NCAPH: variants seen among roughly 807,000 people sequenced by gnomAD.
The protein encoded by NCAPH is condensin complex subunit 2.
In NCAPH, 38 loss-of-function variants were observed where a neutral mutation model predicts 85.5. The ratio of observed to expected loss-of-function variants is 0.44; its 90% CI spans 0.34 to 0.58. The LOEUF (loss-of-function observed/expected upper bound fraction) is 0.58, where lower values mean the gene tolerates loss of function less well. NCAPH is among the 20% of genes least tolerant of loss of function. The pLI is 0.01. For missense variants in NCAPH, 789 were observed against 916.6 expected (o/e 0.86, Z 1.80); for synonymous variants, 301 against 335.1 (o/e 0.90, Z 1.11).
chr2:96,335,938 G>T, intron 1 of NCAPH, 90 bp downstream of exon 1: 1 of 1,342,016 alleles, frequency 7.5e-7, no homozygotes, highest in South Asian at 1.7e-5. Context: ...GCCTGGGCGG[G>T]GAGAGAGGAT....
intron 13 of NCAPH, among the ~76,000 whole-genome samples, chr2:96,365,015 A>G (rs2064675599): frequency 1.3e-5 from 2 of 152,166 alleles, no homozygotes; most frequent in African/African-American, 4.8e-5. Flanking sequence ...TTCGGGGTGT[A>G]TCTCAGATGA....
At chr2:96,358,118 T>C (rs1315024105) in intron 9 of NCAPH, among the ~76,000 whole-genome samples, 1 of 152,168 alleles carries the variant, frequency 6.6e-6, no homozygotes, top group East Asian at 1.9e-4. Flanking sequence ...CTCTATTTTT[T>C]AAAAATGTAG....
At chr2:96,371,678 C>T (rs1227056209) in intron 17 of NCAPH, among the ~76,000 whole-genome samples, 3 of 152,162 alleles carry the variant, frequency 2.0e-5, no homozygotes, top group African/African-American at 7.2e-5. Context: ...AGCACCGAGG[C>T]CATTACTGGG....
chr2:96,375,270 C>G lies in NCAPH; in HGVS notation c.*1919C>G, dbSNP rs1327040895. Among the ~76,000 whole-genome samples, 1 of 152,022 alleles carries G rather than the reference C, an allele frequency of 6.6e-6. No homozygotes were observed. The highest frequency in any genetic ancestry group is 2.4e-5 in the African/African-American group (1 of 41,374). ...TTCTACAATGAAATCCCCTTCCCCC[C>G]ACAACCCTGCTTCTCCTAAGTTTCC... On this transcript the variant is annotated 3_prime_UTR_variant, in exon 18 of 18. Coordinates refer to ENST00000240423, the MANE Select transcript of NCAPH (RefSeq NM_015341.5).
At chr2:96,341,973 C>T in intron 2 of NCAPH, 77 bp from the exon 3 acceptor site, 1 of 1,604,910 alleles carries the variant, frequency 6.2e-7, no homozygotes, top group Non-Finnish European at 8.5e-7. Flanking sequence ...CTCCACAAAA[C>T]TTCATGGGTC....
chr2:96,373,498 T>C lies in NCAPH; in HGVS notation c.*147T>C, dbSNP rs1158278996. On this transcript the variant is annotated 3_prime_UTR_variant, in exon 18 of 18. Coordinates refer to ENST00000240423, the MANE Select transcript of NCAPH (RefSeq NM_015341.5). ...GCCTGTTTGTTTGTTGCTCTTTCCT[T>C]CTCTCCATCATAGTCTGGGTGCCAG... 7 of 725,860 alleles carry C rather than the reference T, an allele frequency of 9.6e-6. No individual in the cohort carries two copies. In the East Asian group the frequency reaches 1.6e-4, roughly 16 times the overall value. The allele number at this position is 725,860 out of a possible 1,614,324, so 45.0% of individuals were successfully genotyped here.
rs1322069722 is a variant in NCAPH at position 96,374,173 on chromosome 2, A to G, written c.*822A>G. ...ATGTTGGAGGAGGAAACGGACACCCAAGGTAGAGGAACTTGCAAAAGGGCA... is the reference window on the plus strand; with the variant it reads ...ATGTTGGAGGAGGAAACGGACACCCGAGGTAGAGGAACTTGCAAAAGGGCA... On this transcript the variant is annotated 3_prime_UTR_variant, in exon 18 of 18. Coordinates refer to ENST00000240423, the MANE Select transcript of NCAPH (RefSeq NM_015341.5). 6.6e-6 allele frequency among the ~76,000 whole-genome samples: 1 copy of G among 152,214 alleles called. No individual in the cohort carries two copies. The highest frequency in any genetic ancestry group is 1.5e-5 in the Non-Finnish European group (1 of 68,028).
chr2:96,351,995 T>C lies in NCAPH; in HGVS notation c.885T>C (p.Gly295=), dbSNP rs1324255028. The change falls in exon 7 of 18, where the codon GGT becomes GGC. Residue 295 remains glycine, a synonymous_variant. Transcript: ENST00000240423. Reference sequence around the variant, plus strand: ...AACCTCTCGAGTTGCCAGAGTTAGGTTGTGTAGAAATGACAGATTTAAAAG... The same window carrying C: ...AACCTCTCGAGTTGCCAGAGTTAGGCTGTGTAGAAATGACAGATTTAAAAG... ...TGEPLELPEL[G]CVEMTDLKAP... The C allele has an allele frequency of 3.7e-6, 6 of 1,612,482 alleles. No individual in the cohort carries two copies. In the African/African-American group the frequency reaches 4.0e-5, roughly 11 times the overall value.
At chr2:96,342,916 C>T (rs1452046292) in intron 4 of NCAPH, 68 bp downstream of exon 4, 3 of 1,400,324 alleles carry the variant, frequency 2.1e-6, no homozygotes, top group East Asian at 2.3e-5. Flanking sequence ...CTTGGCATAA[C>T]ACAGTTGAAT....
Position 96,343,200 on chromosome 2 carries a change from T to C in NCAPH, c.491T>C (p.Ile164Thr). 6.2e-7 allele frequency: 1 copy of C among 1,614,174 alleles called. No individual in the cohort carries two copies. The highest frequency in any genetic ancestry group is 8.5e-7 in the Non-Finnish European group (1 of 1,180,026). The change falls in exon 5 of 18, where the codon ATC becomes ACC. Residue 164 changes from isoleucine (I) to threonine (T), a missense_variant. Ile to Thr is a moderately conservative substitution (Grantham distance 89). Transcript: ENST00000240423. Reference protein sequence around the residue: ...AAGTLDASTKIYAVRVDAVHA... With the variant: ...AAGTLDASTKTYAVRVDAVHA... ...GGTACTCTGGATGCCAGCACCAAGATCTATGCTGTGCGCGTGGATGCCGTC... is the reference window on the plus strand; with the variant it reads ...GGTACTCTGGATGCCAGCACCAAGACCTATGCTGTGCGCGTGGATGCCGTC...
Position 96,353,488 on chromosome 2 carries a change from ATTT to A in NCAPH, c.1002+92_1002+94del. 6 of 1,127,800 alleles carry A rather than the reference ATTT, an allele frequency of 5.3e-6. No individual in the cohort carries two copies. The South Asian group carries it at 7.9e-5, about 15-fold the overall frequency. The allele number at this position is 1,127,800 out of a possible 1,614,324, so 69.9% of individuals were successfully genotyped here. A position where few individuals can be genotyped will look rare whatever the true frequency, so the allele number is the denominator to read the frequency against. On this transcript the variant is annotated intron_variant, in intron 8 of 17. Coordinates refer to ENST00000240423, the MANE Select transcript of NCAPH (RefSeq NM_015341.5). Reference sequence around the variant, plus strand: ...GAACCAAAACTGTGGCATCATCTTTATTTAGCCAGGAGTACAGAAAATATTTCC... The same window carrying A: ...GAACCAAAACTGTGGCATCATCTTTAAGCCAGGAGTACAGAAAATATTTCC...
At chr2:96,371,702 CTGTT>C (rs2064775489) in intron 17 of NCAPH, among the ~76,000 whole-genome samples, 4 of 152,206 alleles carry the variant, frequency 2.6e-5, no homozygotes, top group Admixed American at 2.6e-4. Flanking sequence ...TGGCTTTGGG[CTGTT>C]TGAGAAAACT....
intron 1 of NCAPH, among the ~76,000 whole-genome samples, chr2:96,339,240 A>C (rs1318392524): frequency 6.6e-6 from 1 of 152,126 alleles, no homozygotes; most frequent in Non-Finnish European, 1.5e-5. Flanking sequence ...TTTTTGTCTT[A>C]AAAATTCCTC....
At chr2:96,362,159 A>G (rs943957913) in intron 12 of NCAPH, among the ~76,000 whole-genome samples, 4 of 151,948 alleles carry the variant, frequency 2.6e-5, no homozygotes, top group Admixed American at 2.6e-4. Context: ...GCCTGAGGCT[A>G]TAGTAAGCTA....
intron 14 of NCAPH, among the ~76,000 whole-genome samples, 172 bp downstream of exon 14, chr2:96,366,230 T>C (rs2064697773): frequency 6.6e-6 from 1 of 152,212 alleles, no homozygotes; most frequent in African/African-American, 2.4e-5. Flanking sequence ...TAGGTTTGTG[T>C]GGAACTGACC....
chr2:96,361,913 C>G (rs768399268), intron 12 of NCAPH, among the ~76,000 whole-genome samples: 4 of 144,454 alleles, frequency 2.8e-5, no homozygotes, highest in Non-Finnish European at 6.0e-5. Flanking sequence ...GGGTCTTGCT[C>G]TGTTGCCCAG....
chr2:96,353,618 T>C (rs990425074), intron 8 of NCAPH, among the ~76,000 whole-genome samples: 30 of 152,348 alleles, frequency 2.0e-4, no homozygotes, highest in African/African-American at 7.0e-4. Context: ...ATCAGCTTTA[T>C]GTCCTCTCTT....
chr2:96,371,325 G>A (rs1228977285), intron 17 of NCAPH, among the ~76,000 whole-genome samples: 1 of 152,086 alleles, frequency 6.6e-6, no homozygotes, highest in Non-Finnish European at 1.5e-5. Context: ...AAACCCTTCT[G>A]AGTCCAATTT....
chr2:96,364,619 C>G (rs1164395920), intron 13 of NCAPH, 28 bp downstream of exon 13: 5 of 1,500,240 alleles, frequency 3.3e-6, no homozygotes, highest in East Asian at 2.3e-5. Flanking sequence ...GCTCTGTCCT[C>G]TCTTCTAAGC....
Sources: gnomAD v4.1 joint callset for allele counts (sites outside exome capture counted in the v4.1 genomes callset) on GRCh38, gnomAD v4.1.1 for gene constraint, MANE v1.5 for transcripts, NCBI Gene and HGNC (gene_info 2026-07-23, HGNC 2026-07-21) for gene names.